Variants in FAM193B observed in about 807,000 individuals in gnomAD.
FAM193B encodes protein FAM193B.
A neutral mutation model predicts 70.7 loss-of-function variants in FAM193B; 27 were observed. That is an observed-to-expected ratio of 0.38 (90% CI 0.28 to 0.53). The LOEUF is 0.53. FAM193B is among the 20% of genes least tolerant of loss of function. The pLI, the probability that FAM193B is intolerant of heterozygous loss-of-function variation, is 0.81. For synonymous variants in FAM193B, 448 were observed against 436.0 expected (o/e 1.03, Z -0.34); for missense variants, 1,022 against 1,072.5 (o/e 0.95, Z 0.66).
chr5:177,530,775 C>A (rs1561760433), intron 5 of FAM193B, among the ~76,000 whole-genome samples: 1 of 152,164 alleles, frequency 6.6e-6, no homozygotes, highest in Non-Finnish European at 1.5e-5. Context: ...GGCTGTCAAG[C>A]TGCTGTGGAA....
intron 1 of FAM193B, 79 bp from the exon 2 acceptor site, chr5:177,539,226 C>A: frequency 5.6e-6 from 8 of 1,434,032 alleles, no homozygotes; most frequent in Non-Finnish European, 6.4e-6. Flanking sequence ...ATTAGTAATG[C>A]CACTTATTAC....
At chr5:177,545,931 T>C in intron 1 of FAM193B, among the ~76,000 whole-genome samples, 1 of 152,276 alleles carries the variant, frequency 6.6e-6, no homozygotes, top group African/African-American at 2.4e-5. Flanking sequence ...AAATTCTATT[T>C]TGAAATGGCC....
intron 1 of FAM193B, among the ~76,000 whole-genome samples, chr5:177,548,609 T>C (rs1047342633): frequency 6.6e-5 from 10 of 152,102 alleles, no homozygotes; most frequent in African/African-American, 2.4e-4. Flanking sequence ...TTGGGAACAA[T>C]TCAACAATAG....
chr5:177,522,086 G>C lies in FAM193B; in HGVS notation c.2373-15C>G. On this transcript the variant is annotated splice_polypyrimidine_tract_variant and intron_variant, in intron 7 of 8. Transcript: ENST00000514747. ...CCAAACAGAACCTGTTGGGTTTGGG[G>C]GACACATGAGAAGCACAATCAGAGG... 1 of 1,605,056 alleles carries C rather than the reference G, an allele frequency of 6.2e-7. No individual in the cohort carries two copies. The highest frequency in any genetic ancestry group is 1.3e-5 in the African/African-American group (1 of 74,866).
intron 5 of FAM193B, among the ~76,000 whole-genome samples, chr5:177,530,979 A>C (rs1416252997): frequency 6.6e-6 from 1 of 152,216 alleles, no homozygotes; most frequent in African/African-American, 2.4e-5. Flanking sequence ...ACTGTGTCAC[A>C]CTTTGGCTGC....
At chr5:177,545,043 T>C (rs1205483884) in intron 1 of FAM193B, among the ~76,000 whole-genome samples, 1 of 151,930 alleles carries the variant, frequency 6.6e-6, no homozygotes, top group Non-Finnish European at 1.5e-5. Context: ...AAGAAGACCA[T>C]TCTTCTAATT....
At chr5:177,549,402 C>A (rs1765905127) in intron 1 of FAM193B, among the ~76,000 whole-genome samples, 1 of 151,960 alleles carries the variant, frequency 6.6e-6, no homozygotes, top group Non-Finnish European at 1.5e-5. Flanking sequence ...ACCGTGTTAG[C>A]CAGGATGGTC....
chr5:177,554,068 T>C, intron 1 of FAM193B, 181 bp downstream of exon 1: 32 of 1,363,160 alleles, frequency 2.3e-5, no homozygotes, highest in Non-Finnish European at 3.0e-5. Flanking sequence ...GCCTCGGCTT[T>C]GGGGAGAGGG....
At chr5:177,541,774 T>C (rs1441851717) in intron 1 of FAM193B, among the ~76,000 whole-genome samples, 1 of 152,188 alleles carries the variant, frequency 6.6e-6, no homozygotes, top group African/African-American at 2.4e-5. Context: ...TTAGTACTCA[T>C]GGGGGATCAG....
At chr5:177,543,331 A>G (rs1025521641) in intron 1 of FAM193B, among the ~76,000 whole-genome samples, 1 of 152,222 alleles carries the variant, frequency 6.6e-6, no homozygotes, top group Non-Finnish European at 1.5e-5. Flanking sequence ...TGCCCACAGG[A>G]TTAAGTCACA....
chr5:177,549,755 C>T (rs562330759), intron 1 of FAM193B, among the ~76,000 whole-genome samples: 1 of 152,318 alleles, frequency 6.6e-6, no homozygotes, highest in East Asian at 1.9e-4. Context: ...ACAATAAATG[C>T]CATGTGAAAT....
chr5:177,540,355 T>C (rs1764711126), intron 1 of FAM193B, among the ~76,000 whole-genome samples: 1 of 151,988 alleles, frequency 6.6e-6, no homozygotes, highest in Non-Finnish European at 1.5e-5. Flanking sequence ...GTAGGTTTGC[T>C]TTCACATTGA....
chr5:177,551,120 C>T (rs921107499), intron 1 of FAM193B, among the ~76,000 whole-genome samples: 4 of 152,142 alleles, frequency 2.6e-5, no homozygotes, highest in African/African-American at 9.7e-5. Context: ...CAGGCGTGAG[C>T]CACCAAGGCC....
At chr5:177,545,667 A>G (rs1765341256) in intron 1 of FAM193B, among the ~76,000 whole-genome samples, 1 of 151,968 alleles carries the variant, frequency 6.6e-6, no homozygotes, top group African/African-American at 2.4e-5. Flanking sequence ...TCAAAAAAAA[A>G]AAAAAAAAAA....
At chr5:177,529,248 C>T (rs968302734) in intron 5 of FAM193B, among the ~76,000 whole-genome samples, 2 of 135,324 alleles carry the variant, frequency 1.5e-5, no homozygotes, top group South Asian at 4.7e-4. Context: ...GACACAAAGA[C>T]AAGGTGAGAG....
At chr5:177,548,294 C>T (rs530764403) in intron 1 of FAM193B, among the ~76,000 whole-genome samples, 36 of 152,344 alleles carry the variant, frequency 2.4e-4, no homozygotes, top group African/African-American at 8.4e-4. Flanking sequence ...AGGGCAGAGC[C>T]TGTGTCCCAC....
intron 1 of FAM193B, among the ~76,000 whole-genome samples, chr5:177,540,789 T>G (rs990310919): frequency 1.3e-5 from 2 of 152,214 alleles, no homozygotes; most frequent in African/African-American, 4.8e-5. Context: ...GGTAGTTAAC[T>G]GACATACCTT....
In FAM193B at chr5:177,535,175, A is replaced by G. The variant is rs148683074; in HGVS notation, c.1076+1183T>C. On this transcript the variant is annotated intron_variant, in intron 4 of 8. Coordinates refer to ENST00000514747, the MANE Select transcript of FAM193B (RefSeq NM_001190946.3). ...AGACATCTTTAGAGACACTGTTGGTAATGTTAAAATGTCCGAATAACCCAA... is the reference window on the plus strand; with the variant it reads ...AGACATCTTTAGAGACACTGTTGGTGATGTTAAAATGTCCGAATAACCCAA... 4.8e-3 allele frequency among the ~76,000 whole-genome samples: 732 copies of G among 152,378 alleles called. 3 individuals carry two copies. Among genetic ancestry groups the G allele is most frequent in the Non-Finnish European group, 7.3e-3 (497 of 68,036 alleles).
intron 1 of FAM193B, among the ~76,000 whole-genome samples, chr5:177,551,050 G>T (rs1464546773): frequency 5.9e-5 from 9 of 151,648 alleles, no homozygotes; most frequent in Non-Finnish European, 1.0e-4. Flanking sequence ...ACCAATGCTG[G>T]TCTCAAACTT....
Sources: gnomAD v4.1 joint callset for allele counts (sites outside exome capture counted in the v4.1 genomes callset) on GRCh38, gnomAD v4.1.1 for gene constraint, MANE v1.5 for transcripts, NCBI Gene and HGNC (gene_info 2026-07-23, HGNC 2026-07-21) for gene names.